The following ADAMTS10 variants were observed in gnomAD, a reference collection of about 807,000 sequenced individuals.
ADAMTS10 encodes the protein ADAM metallopeptidase with thrombospondin type 1 motif 10.
A neutral mutation model predicts 135.9 loss-of-function variants in ADAMTS10; 48 were observed. The observed-to-expected ratio is 0.35, with a 90% CI of 0.28 to 0.45. The LOEUF (loss-of-function observed/expected upper bound fraction) is 0.45, where lower values mean the gene tolerates loss of function less well. Ranked by LOEUF, ADAMTS10 falls within the 20% of genes least tolerant of loss-of-function variation. ADAMTS10 has a pLI of 1.00. For missense variants in ADAMTS10, 1,131 were observed against 1,565.2 expected, an observed-to-expected ratio of 0.72 and a Z score of 4.68; for synonymous variants, 621 against 647.5, an observed-to-expected ratio of 0.96 and a Z score of 0.62.
At chr19:8,600,129 C>G (rs2042646949) in intron 6 of ADAMTS10, among the ~76,000 whole-genome samples, 1 of 152,216 alleles carries the variant, frequency 6.6e-6, no homozygotes, top group South Asian at 2.1e-4. Context: ...TATTTTTACA[C>G]ACAGCAAACA....
In ADAMTS10 at chr19:8,601,820, T is replaced by C. The variant is rs546852791; in HGVS notation, c.593-675A>G. Among the ~76,000 whole-genome samples, 2 of 152,320 alleles carry C rather than the reference T, an allele frequency of 1.3e-5. No individual in the cohort carries two copies. The highest frequency in any genetic ancestry group is 2.1e-4 in the South Asian group (1 of 4,826). On this transcript the variant is annotated intron_variant, in intron 5 of 25. Coordinates refer to ENST00000597188, the MANE Select transcript of ADAMTS10 (RefSeq NM_030957.4). The surrounding 1 kb of genome is among the most constrained non-coding windows in gnomAD (Gnocchi z 4.6). ...CTGACTTCTCCCACTGTTGGTTGTA[T>C]GGCTGTTCCACTGCCTGTTTGCCAA...
intron 25 of ADAMTS10, 129 bp downstream of exon 25, chr19:8,584,766 C>T: frequency 7.5e-7 from 1 of 1,330,124 alleles, no homozygotes. Flanking sequence ...GAAGGATGGC[C>T]TGGCAGAGAC....
At chr19:8,584,795 G>T in intron 25 of ADAMTS10, 100 bp downstream of exon 25, 1 of 1,475,654 alleles carries the variant, frequency 6.8e-7, no homozygotes, top group Non-Finnish European at 9.2e-7. Flanking sequence ...GCATTTCCGA[G>T]GTTCCAGAAG....
chr19:8,592,373 C>T (rs534453981), intron 13 of ADAMTS10, among the ~76,000 whole-genome samples: 1 of 151,772 alleles, frequency 6.6e-6, no homozygotes, highest in Non-Finnish European at 1.5e-5. Context: ...CGAGGTGGGG[C>T]GTGGCTTCAG....
At position 8,580,913 on chromosome 19, in the gene ADAMTS10, T is replaced by G; in HGVS notation, c.3292A>C (p.Lys1098Gln). The G allele has an allele frequency of 1.2e-6, 2 of 1,612,098 alleles. No individual in the cohort carries two copies. Among genetic ancestry groups the G allele is most frequent in the South Asian group, 2.2e-5 (2 of 90,722 alleles). The stretch of plus-strand genomic sequence containing the variant: ...GCCCCCTAGTGGCCATGGCAGGTTT[T>G]GCAGCACATCTGGCGGAAGTAGGCT... ...SRAYFRQMCC[K>Q]TCHGH Residue 1098 changes from lysine to glutamine, a missense_variant, in exon 26 of 26, where the codon AAA becomes CAA. This residue lies in a region of ADAMTS10 where 745 missense variants were observed against 1,056.3 expected (regional missense o/e 0.71). Coordinates refer to ENST00000597188, the MANE Select transcript of ADAMTS10 (RefSeq NM_030957.4).
At chr19:8,584,746 AG>A in intron 25 of ADAMTS10, 148 bp downstream of exon 25, 1 of 1,158,836 alleles carries the variant, frequency 8.6e-7, no homozygotes, top group Non-Finnish European at 1.2e-6. Context: ...GCTTGCAGGG[AG>A]GGGATGGTGA....
intron 16 of ADAMTS10, 78 bp from the exon 17 acceptor site, chr19:8,589,663 A>T (rs1568396276): frequency 1.3e-6 from 2 of 1,596,638 alleles, no homozygotes; most frequent in Admixed American, 1.7e-5. Flanking sequence ...GAGTGAGGCC[A>T]AGAGGGACAG....
chr19:8,592,466 G>A (rs1298586499), intron 13 of ADAMTS10, among the ~76,000 whole-genome samples: 1 of 151,642 alleles, frequency 6.6e-6, no homozygotes, highest in Non-Finnish European at 1.5e-5. Flanking sequence ...ATGAGGGAGA[G>A]AGCAAACAGT....
rs782550135 is a variant in ADAMTS10, at chr19:8,600,966, G to A, written c.772C>T (p.Arg258Trp). 3 of 1,614,104 alleles carry A rather than the reference G, an allele frequency of 1.9e-6. No individual in the cohort carries two copies. Among genetic ancestry groups the A allele is most frequent in the South Asian group, 1.1e-5 (1 of 91,086 alleles). Residue 258 changes from arginine (R) to tryptophan (W), a missense_variant, in exon 6 of 26, where the codon CGG becomes TGG. Around this residue, in one of 3 missense-constraint regions of ADAMTS10, gnomAD observed 80 missense variants for 164.4 expected, o/e 0.49. Coordinates refer to ENST00000597188, the MANE Select transcript of ADAMTS10 (RefSeq NM_030957.4). ...GCCAGGACATACTGCTCCACATCCCGGCGCCCGTGATAGGCCACCATCATC... is the reference window on the plus strand; with the variant it reads ...GCCAGGACATACTGCTCCACATCCCAGCGCCCGTGATAGGCCACCATCATC... ...DKMMVAYHGR[R>W]DVEQYVLAIM...
intron 1 of ADAMTS10, among the ~76,000 whole-genome samples, chr19:8,608,646 C>G (rs1016785936): frequency 1.4e-4 from 22 of 152,104 alleles, no homozygotes; most frequent in African/African-American, 4.8e-4. Context: ...CATTGCCAGG[C>G]CTGGTGCCCC....
chr19:8,602,802 T>C (rs2042681213), intron 5 of ADAMTS10, among the ~76,000 whole-genome samples: 1 of 152,046 alleles, frequency 6.6e-6, no homozygotes, highest in South Asian at 2.1e-4. Flanking sequence ...ATTTTTTCTA[T>C]TTTTGGTTGA....
chr19:8,596,501 A>G lies in ADAMTS10; in HGVS notation c.1084+41T>C. 6.2e-7 allele frequency: 1 copy of G among 1,613,704 alleles called. No individual in the cohort carries two copies. The highest frequency in any genetic ancestry group is 8.5e-7 in the Non-Finnish European group (1 of 1,179,722). On this transcript the variant is annotated intron_variant, in intron 9 of 25. Transcript: ENST00000597188. This position sits in a 1 kb window ranked among gnomAD's most constrained non-coding sequence, Gnocchi z 7.2. ...CACCTGCCAGGTCTCACCCCAGCCCACTGCCTTCATAGGCGCCTGAAACCT... is the reference window on the plus strand; with the variant it reads ...CACCTGCCAGGTCTCACCCCAGCCCGCTGCCTTCATAGGCGCCTGAAACCT...
Position 8,589,276 on chromosome 19 carries a change from G to C in ADAMTS10, c.2124C>G (p.Ile708Met). The C allele has an allele frequency of 6.2e-7, 1 of 1,612,492 alleles. No individual in the cohort carries two copies. The highest frequency in any genetic ancestry group is 8.5e-7 in the Non-Finnish European group (1 of 1,179,946). Residue 708 changes from isoleucine (I) to methionine (M), a missense_variant, in exon 18 of 26, where the codon ATC (isoleucine) becomes ATG (methionine). Transcript: ENST00000597188. ...CGGDGSACET[I>M]EGVFSPASPG... is the part of the protein sequence containing the mutation. ...GTGAGGCTGGGCTGAAGACGCCCTC[G>C]ATGGTCTCGCAGGCACTGCCGTCAC... is the stretch of plus-strand genomic sequence containing the variant.
At chr19:8,600,556 T>C (rs1251404451) in intron 6 of ADAMTS10, among the ~76,000 whole-genome samples, 2 of 149,450 alleles carry the variant, frequency 1.3e-5, no homozygotes, top group African/African-American at 2.5e-5. Context: ...TGGAGTGCAG[T>C]GGCGTGATCT....
chr19:8,586,996 C>T (rs369938189), intron 18 of ADAMTS10, 100 bp from the exon 19 acceptor site: 47 of 1,243,606 alleles, frequency 3.8e-5, no homozygotes, highest in Middle Eastern at 2.1e-4. Flanking sequence ...ACTATTACTG[C>T]GCTAAACACA....
chr19:8,585,812 C>A, intron 22 of ADAMTS10, 152 bp from the exon 23 acceptor site: 1 of 869,796 alleles, frequency 1.1e-6, no homozygotes, highest in South Asian at 1.6e-5. Context: ...CTTGGGGCAT[C>A]GTTAGCCTGC....
intron 5 of ADAMTS10, among the ~76,000 whole-genome samples, chr19:8,602,395 C>T (rs576865209): frequency 1.4e-4 from 21 of 152,086 alleles, no homozygotes; most frequent in Admixed American, 1.0e-3. Flanking sequence ...CTCAACTCAC[C>T]GCAACCTCTA....
In ADAMTS10 at chr19:8,584,908, C is replaced by G. The variant is rs2042402601; in HGVS notation, c.3189G>C (p.Gly1063=). Residue 1063 remains glycine (G), a synonymous_variant, in exon 25 of 26, where the codon GGG becomes GGC. Transcript: ENST00000597188. The part of the protein sequence containing the change: ...CEAKCDSPTP[G]DGPEECKDVN... ...TCACCCACATACCTTCAGGGCCGTC[C>G]CCGGGGGTTGGGCTGTCGCACTTGG... is the stretch of plus-strand genomic sequence containing the variant. 3 of 1,549,032 alleles carry G rather than the reference C, an allele frequency of 1.9e-6. No homozygotes were observed. The African/African-American group carries it at 4.1e-5, about 21-fold the overall frequency.
At chr19:8,587,467 C>T in intron 18 of ADAMTS10, among the ~76,000 whole-genome samples, 1 of 109,784 alleles carries the variant, frequency 9.1e-6, no homozygotes, top group African/African-American at 3.3e-5. Flanking sequence ...ATGAGCCTGG[C>T]CAGCTTTTTT....
Sources: gnomAD v4.1 joint callset for allele counts (sites outside exome capture counted in the v4.1 genomes callset) on GRCh38, gnomAD v4.1.1 for gene constraint, gnomAD v4.1.1 regional missense constraint, Gnocchi (gnomAD v3.1) non-coding constraint, MANE v1.5 for transcripts, NCBI Gene and HGNC (gene_info 2026-07-23, HGNC 2026-07-21) for gene names.